Variants in TAAR5 observed in about 807,000 individuals in gnomAD.
TAAR5 encodes the protein trace amine associated receptor 5.
Under a neutral mutation model 21.1 loss-of-function variants are expected in TAAR5, and 27 were observed. The ratio of observed to expected loss-of-function variants is 1.28; its 90% CI spans 0.94 to 1.76. TAAR5 has a LOEUF of 1.76. Among genes scored for constraint, TAAR5 ranks in the 40% most tolerant of loss-of-function variants. The pLI is 0.00. For missense variants in TAAR5, 495 were observed against 405.6 expected, an observed-to-expected ratio of 1.22 and a Z score of -1.89; for synonymous variants, 203 against 167.5, an observed-to-expected ratio of 1.21 and a Z score of -1.64.
the TAAR5 span, chr6:132,608,280 T>C: frequency 4.6e-6 from 2 of 438,432 alleles, no homozygotes; most frequent in South Asian, 1.6e-5. Context: ...TTGCAGTTTC[T>C]GAATGGGAGC....
chr6:132,592,424 C>T (rs945144533), upstream of TAAR5, among the ~76,000 whole-genome samples: 3 of 152,230 alleles, frequency 2.0e-5, no homozygotes, highest in Admixed American at 6.5e-5. Flanking sequence ...TGTCTATGGA[C>T]GGTCTTTGCC....
the TAAR5 span, among the ~76,000 whole-genome samples, chr6:132,613,948 G>A: frequency 6.6e-6 from 1 of 152,158 alleles, no homozygotes; most frequent in Admixed American, 6.6e-5. Context: ...TGCCACCTAT[G>A]TATGTATGTA....
chr6:132,589,323 TG>T lies in TAAR5; in HGVS notation c.363del (p.Ile122SerfsTer27). 1 of 1,613,302 alleles carries T rather than the reference TG, an allele frequency of 6.2e-7. No homozygotes were observed. The highest frequency in any genetic ancestry group is 8.5e-7 in the Non-Finnish European group (1 of 1,179,772). On this transcript the variant is annotated frameshift_variant, in exon 1 of 1. Transcript: ENST00000258034. LOFTEE classifies it high-confidence loss of function. Reference sequence around the variant, plus strand: ...ATGGAAATGAAACAGAGATGGAAGATGGAGGTGAGGCAGAAGAGGGTGTCCA... The same window carrying T: ...ATGGAAATGAAACAGAGATGGAAGATGAGGTGAGGCAGAAGAGGGTGTCCA... ...TYLDTLFCLT[S>X]IFHLCFISID...
rs747512080 is a variant in TAAR5 at position 132,589,440 on chromosome 6, G to C, written c.247C>G (p.Leu83Val). 1 of 1,613,972 alleles carries C rather than the reference G, an allele frequency of 6.2e-7. No homozygotes were observed. The highest frequency in any genetic ancestry group is 8.5e-7 in the Non-Finnish European group (1 of 1,179,874). The change falls in exon 1 of 1, where the codon CTG (leucine) becomes GTG (valine). Residue 83 changes from leucine to valine, a missense_variant. By Grantham distance (32) the Leu-to-Val change is conservative (BLOSUM62 1). Transcript: ENST00000258034. The stretch of plus-strand genomic sequence containing the variant: ...CTGAGGGGCAGCACCAGCAGACCCA[G>C]AAACATGTCAGCCAGGGCCAGGGAG... ...LLSLALADMFLGLLVLPLSTI... is the reference protein window; with the variant it reads ...LLSLALADMFVGLLVLPLSTI...
At chr6:132,597,033 A>C in the TAAR5 span, among the ~76,000 whole-genome samples, 1 of 152,168 alleles carries the variant, frequency 6.6e-6, no homozygotes, top group Non-Finnish European at 1.5e-5. Context: ...TTCATAAATA[A>C]AGCATTCCCC....
chr6:132,598,283 A>G, the TAAR5 span, among the ~76,000 whole-genome samples: 2 of 152,206 alleles, frequency 1.3e-5, no homozygotes, highest in Non-Finnish European at 2.9e-5. Flanking sequence ...TTTCTTTCAA[A>G]TCTCAGTGAT....
At chr6:132,597,987 A>G in the TAAR5 span, among the ~76,000 whole-genome samples, 1 of 152,194 alleles carries the variant, frequency 6.6e-6, no homozygotes, top group Non-Finnish European at 1.5e-5. Flanking sequence ...TAGTGTACAC[A>G]TATTTCCATC....
At chr6:132,599,678 A>T in the TAAR5 span, among the ~76,000 whole-genome samples, 1 of 152,050 alleles carries the variant, frequency 6.6e-6, no homozygotes. Context: ...ATTTAAATCA[A>T]CTGGTAAGGA....
the TAAR5 span, among the ~76,000 whole-genome samples, chr6:132,604,340 A>G: frequency 2.0e-5 from 3 of 151,774 alleles, no homozygotes; most frequent in African/African-American, 7.3e-5. Flanking sequence ...ACGGGGTTTC[A>G]CCATTTTGGC....
the TAAR5 span, among the ~76,000 whole-genome samples, chr6:132,605,294 G>A: frequency 1.3e-5 from 2 of 152,186 alleles, no homozygotes; most frequent in African/African-American, 4.8e-5. Flanking sequence ...GAGAAGACAG[G>A]GGTGGAAGGG....
the TAAR5 span, among the ~76,000 whole-genome samples, chr6:132,596,284 GC>G: frequency 6.6e-6 from 1 of 152,116 alleles, no homozygotes; most frequent in Non-Finnish European, 1.5e-5. Context: ...TAATGCCATT[GC>G]CCTTGTAATG....
upstream of TAAR5, among the ~76,000 whole-genome samples, chr6:132,591,640 T>C (rs753675572): frequency 7.8e-4 from 118 of 152,176 alleles, 1 homozygote; most frequent in Middle Eastern, 3.2e-3. Flanking sequence ...ATAATCCACA[T>C]ATAATTGGCC....
the TAAR5 span, chr6:132,608,535 C>A: frequency 2.2e-6 from 1 of 455,862 alleles, no homozygotes; most frequent in Non-Finnish European, 4.4e-6. Context: ...TGTCCTTTTT[C>A]TTGGATAGGT....
chr6:132,596,511 A>C, the TAAR5 span, among the ~76,000 whole-genome samples: 1 of 152,238 alleles, frequency 6.6e-6, no homozygotes, highest in African/African-American at 2.4e-5. Flanking sequence ...ATTAATAAAA[A>C]TACAAGCACC....
the TAAR5 span, among the ~76,000 whole-genome samples, chr6:132,600,872 A>AAG: frequency 8.9e-5 from 2 of 22,404 alleles, no homozygotes; most frequent in African/African-American, 2.1e-4. Flanking sequence ...AAGGAAGGAG[A>AAG]GAGGGAAGGA....
At chr6:132,597,507 T>C in the TAAR5 span, among the ~76,000 whole-genome samples, 1 of 152,186 alleles carries the variant, frequency 6.6e-6, no homozygotes, top group African/African-American at 2.4e-5. Flanking sequence ...TATTTAAAAC[T>C]TAACAGAATA....
upstream of TAAR5, among the ~76,000 whole-genome samples, chr6:132,590,904 T>C (rs1776896760): frequency 6.6e-6 from 1 of 152,208 alleles, no homozygotes; most frequent in African/African-American, 2.4e-5. Flanking sequence ...TTTCTTCTGC[T>C]TTAGTATTAT....
At chr6:132,595,447 T>A in the TAAR5 span, 21 of 152,186 alleles carry the variant, frequency 1.4e-4, no homozygotes, top group Admixed American at 1.1e-3. Flanking sequence ...CATCTTTGTC[T>A]CATGGGTACT....
At chr6:132,610,508 G>T in the TAAR5 span, among the ~76,000 whole-genome samples, 2 of 151,984 alleles carry the variant, frequency 1.3e-5, no homozygotes, top group African/African-American at 4.8e-5. Context: ...GCAAAAACTG[G>T]CCCCTTCCTC....
Sources: gnomAD v4.1 joint callset for allele counts (sites outside exome capture counted in the v4.1 genomes callset) on GRCh38, gnomAD v4.1.1 for gene constraint, MANE v1.5 for transcripts, NCBI Gene and HGNC (gene_info 2026-07-23, HGNC 2026-07-21) for gene names.